The following ADCY5 variants were observed in gnomAD, a reference collection of about 807,000 sequenced individuals.
ADCY5 encodes adenylate cyclase type 5.
Under a neutral mutation model 119.7 loss-of-function variants are expected in ADCY5, and 30 were observed. The observed-to-expected ratio is 0.25, with a 90% CI of 0.19 to 0.34. The LOEUF is 0.34. Among genes scored for constraint, ADCY5 ranks in the 10% least tolerant of loss-of-function variants. The pLI, the probability that ADCY5 is intolerant of heterozygous loss-of-function variation, is 1.00. For synonymous variants in ADCY5, 753 were observed against 762.2 expected, an observed-to-expected ratio of 0.99 and a Z score of 0.20; for missense variants, 1,324 against 1,775.2, an observed-to-expected ratio of 0.75 and a Z score of 4.57.
chr3:123,311,367 GT>G (rs1247173312), intron 12 of ADCY5, among the ~76,000 whole-genome samples: 1 of 152,224 alleles, frequency 6.6e-6, no homozygotes, highest in Non-Finnish European at 1.5e-5. Context: ...GTGTGCCACG[GT>G]GCTCAGAGAC....
rs758239876 is a variant in ADCY5 at position 123,289,733 on chromosome 3, C to A, written c.3532+17G>T. 5 of 1,612,246 alleles carry A rather than the reference C, an allele frequency of 3.1e-6. No homozygotes were observed. The African/African-American group carries it at 5.3e-5, about 17-fold the overall frequency. The stretch of plus-strand genomic sequence containing the variant: ...TGACTGCACCCTGGGCTCAGCACTC[C>A]CTGGGCCCCCACTCACCGATCTTCA... On this transcript the variant is annotated intron_variant, in intron 19 of 20. Coordinates refer to ENST00000462833, the MANE Select transcript of ADCY5 (RefSeq NM_183357.3).
chr3:123,448,082 G>A lies in ADCY5; in HGVS notation c.464C>T (p.Ser155Leu), dbSNP rs1410826158. Residue 155 changes from serine to leucine, a missense_variant, in exon 1 of 21, where the codon TCG becomes TTG. Transcript: ENST00000462833. ...SAGGTEVRPRSVEVGLEERRG... is the reference protein window; with the variant it reads ...SAGGTEVRPRLVEVGLEERRG... ...CCGCTCCTCCAGACCCACCTCCACC[G>A]AGCGAGGGCGCACCTCCGTCCCGCC... The A allele has an allele frequency of 1.6e-6, 2 of 1,218,520 alleles. No homozygotes were observed. Among genetic ancestry groups the A allele is most frequent in the Non-Finnish European group, 1.0e-6 (1 of 976,922 alleles). 75.5% of individuals were successfully genotyped at this position (1,218,520 alleles called of 1,614,324 possible). A position where few individuals can be genotyped will look rare whatever the true frequency, so the allele number is the denominator to read the frequency against.
intron 1 of ADCY5, among the ~76,000 whole-genome samples, chr3:123,359,003 T>C (rs1361313860): frequency 6.6e-6 from 1 of 152,088 alleles, no homozygotes; most frequent in Non-Finnish European, 1.5e-5. Context: ...TACTGGATAA[T>C]CCTGGGAAAG....
Position 123,352,593 on chromosome 3 carries a change from G to A in ADCY5, c.1135-12C>T, listed in dbSNP as rs1321359710. 6.2e-7 allele frequency: 1 copy of A among 1,605,982 alleles called. No individual in the cohort carries two copies. On this transcript the variant is annotated splice_polypyrimidine_tract_variant and intron_variant, in intron 1 of 20. Transcript: ENST00000462833. This position sits in a 1 kb window ranked among gnomAD's most constrained non-coding sequence, Gnocchi z 4.8. Reference sequence around the variant, plus strand: ...ACATTGGAGACAAGCTGCAGAGGGAGAGAGGAGCACACCTAGCTCAGATCC... The same window carrying A: ...ACATTGGAGACAAGCTGCAGAGGGAAAGAGGAGCACACCTAGCTCAGATCC...
intron 1 of ADCY5, among the ~76,000 whole-genome samples, chr3:123,378,138 C>T (rs904967994): frequency 1.3e-5 from 2 of 152,110 alleles, no homozygotes; most frequent in African/African-American, 2.4e-5. Flanking sequence ...GCCCAGAAAC[C>T]GTTCCTCTCC....
At chr3:123,436,386 A>C (rs1456772049) in intron 1 of ADCY5, among the ~76,000 whole-genome samples, 2 of 151,732 alleles carry the variant, frequency 1.3e-5, no homozygotes, top group Non-Finnish European at 2.9e-5. Context: ...GCAAAAATTC[A>C]AAAACAGTAA....
rs141961407 is a variant in ADCY5, at chr3:123,318,028, G to A, written c.2346C>T (p.Ile782=). The stretch of plus-strand genomic sequence containing the variant: ...GGGACGGGGATACTCACTGGGGCAC[G>A]ATGGTGATCTGGACAAAGCAGATGA... ...FLFICFVQIT[I]VPHSIFMLSF... Residue 782 remains isoleucine (I), a synonymous_variant, in exon 11 of 21, where the codon ATC becomes ATT. Transcript: ENST00000462833. 5.7e-5 allele frequency: 92 copies of A among 1,613,374 alleles called. No individual in the cohort carries two copies. Among genetic ancestry groups the A allele is most frequent in the East Asian group, 5.1e-4 (23 of 44,862 alleles).
chr3:123,306,724 A>G (rs1940218672), intron 12 of ADCY5, among the ~76,000 whole-genome samples: 1 of 152,226 alleles, frequency 6.6e-6, no homozygotes, highest in Non-Finnish European at 1.5e-5. Context: ...CATATGATCC[A>G]GTAATTCCAC....
chr3:123,304,838 G>T (rs1364724114), intron 12 of ADCY5, among the ~76,000 whole-genome samples: 3 of 152,044 alleles, frequency 2.0e-5, no homozygotes, highest in Non-Finnish European at 2.9e-5. Flanking sequence ...TTAAATGATT[G>T]GGCTCCTAAG....
intron 1 of ADCY5, among the ~76,000 whole-genome samples, chr3:123,414,057 G>A (rs75240449): frequency 0.023 from 3,520 of 152,228 alleles, 139 homozygotes; most frequent in African/African-American, 0.081. Context: ...AGACTGAGAA[G>A]GTGGTCTGGA....
At chr3:123,415,046 G>T (rs1347668506) in intron 1 of ADCY5, among the ~76,000 whole-genome samples, 6 of 152,178 alleles carry the variant, frequency 3.9e-5, no homozygotes, top group South Asian at 2.1e-4. Flanking sequence ...GATCCTTGGG[G>T]TGAGCTACAG....
At chr3:123,328,583 C>A in intron 6 of ADCY5, 61 bp downstream of exon 6, 2 of 1,587,858 alleles carry the variant, frequency 1.3e-6, no homozygotes, top group Admixed American at 3.4e-5. Flanking sequence ...GATGGTCACC[C>A]TGGGTGGGCT....
At chr3:123,376,064 G>A (rs928996021) in intron 1 of ADCY5, among the ~76,000 whole-genome samples, 1 of 152,020 alleles carries the variant, frequency 6.6e-6, no homozygotes, top group East Asian at 1.9e-4. Context: ...CCAGGGCAAA[G>A]GCTGCCCGGG....
chr3:123,419,668 C>G (rs973406176), intron 1 of ADCY5, among the ~76,000 whole-genome samples: 1 of 152,092 alleles, frequency 6.6e-6, no homozygotes, highest in African/African-American at 2.4e-5. Flanking sequence ...TCTGTGTACC[C>G]GGACATACGT....
intron 1 of ADCY5, among the ~76,000 whole-genome samples, chr3:123,359,987 TA>T (rs1382986981): frequency 6.6e-6 from 1 of 151,650 alleles, no homozygotes; most frequent in Non-Finnish European, 1.5e-5. Flanking sequence ...AGAATAATCT[TA>T]AATTATATAC....
chr3:123,373,143 C>T (rs1247694919), intron 1 of ADCY5, among the ~76,000 whole-genome samples: 1 of 152,214 alleles, frequency 6.6e-6, no homozygotes, highest in Non-Finnish European at 1.5e-5. Context: ...ACCTAGCATG[C>T]AGCAGGTATT....
rs1004253139 is a variant in ADCY5, at chr3:123,282,863, C to T, written c.*1745G>A. On this transcript the variant is annotated 3_prime_UTR_variant, in exon 21 of 21. Transcript: ENST00000462833. ...CTGGCACAGAGCCACTGCCTCATCA[C>T]CTCCAAGCTCATGTTGGAGGTGAAG... The T allele has an allele frequency of 6.6e-6, 1 of 152,126 alleles. No homozygotes were observed. The highest frequency in any genetic ancestry group is 1.5e-5 in the Non-Finnish European group (1 of 68,052). The allele number at this position is 152,126 out of a possible 1,614,324, so 9.4% of individuals were successfully genotyped here. A position where few individuals can be genotyped will look rare whatever the true frequency, so the allele number is the denominator to read the frequency against.
At chr3:123,341,946 C>T (rs1942303911) in intron 3 of ADCY5, among the ~76,000 whole-genome samples, 1 of 152,118 alleles carries the variant, frequency 6.6e-6, no homozygotes, top group Non-Finnish European at 1.5e-5. Flanking sequence ...AAAATAGAGA[C>T]AGGGTCTCGC....
chr3:123,403,960 T>C (rs1401683677), intron 1 of ADCY5, among the ~76,000 whole-genome samples: 2 of 152,240 alleles, frequency 1.3e-5, no homozygotes, highest in African/African-American at 4.8e-5. Context: ...CATGCTATTC[T>C]GACTACAGCC....
Sources: gnomAD v4.1 joint callset for allele counts (sites outside exome capture counted in the v4.1 genomes callset) on GRCh38, gnomAD v4.1.1 for gene constraint, Gnocchi (gnomAD v3.1) non-coding constraint, MANE v1.5 for transcripts, NCBI Gene and HGNC (gene_info 2026-07-23, HGNC 2026-07-21) for gene names.